Variants in IPO8 observed in about 807,000 individuals in gnomAD.
The protein encoded by IPO8 is importin-8.
In IPO8, 65 loss-of-function variants were observed where a neutral mutation model predicts 141.2. That is an observed-to-expected ratio of 0.46 (90% CI 0.38 to 0.57). The LOEUF (loss-of-function observed/expected upper bound fraction) is 0.57. IPO8 is among the 20% of genes least tolerant of loss of function. The pLI, the probability that IPO8 is intolerant of heterozygous loss-of-function variation, is 0.00. For missense variants in IPO8, 980 were observed against 1,246.8 expected (o/e 0.79, Z 3.22); for synonymous variants, 411 against 420.3 (o/e 0.98, Z 0.27).
At chr12:30,686,085 A>T (rs2053239684) in intron 2 of IPO8, among the ~76,000 whole-genome samples, 1 of 152,074 alleles carries the variant, frequency 6.6e-6, no homozygotes, top group Admixed American at 6.5e-5. Flanking sequence ...TCCATCTATG[A>T]TTTCAATTCA....
intron 1 of IPO8, among the ~76,000 whole-genome samples, chr12:30,692,952 C>T (rs898847081): frequency 2.6e-5 from 4 of 152,196 alleles, no homozygotes; most frequent in African/African-American, 7.2e-5. Context: ...TCCATGGAAA[C>T]AAACTCTTAT....
intron 14 of IPO8, among the ~76,000 whole-genome samples, chr12:30,662,879 C>A (rs536806242): frequency 6.6e-6 from 1 of 152,138 alleles, no homozygotes; most frequent in Admixed American, 6.5e-5. Flanking sequence ...GGGCCCCTTC[C>A]CTGCCCCAGG....
chr12:30,670,850 G>T, intron 9 of IPO8, 112 bp downstream of exon 9: 1 of 784,362 alleles, frequency 1.3e-6, no homozygotes, highest in South Asian at 3.0e-5. Flanking sequence ...AATTATTAAT[G>T]GTAAAATGTA....
intron 2 of IPO8, among the ~76,000 whole-genome samples, chr12:30,688,980 C>T (rs1454659381): frequency 6.6e-6 from 1 of 151,902 alleles, no homozygotes; most frequent in East Asian, 1.9e-4. Flanking sequence ...AATATCAAAT[C>T]GTTTAAGTAA....
At chr12:30,675,989 T>C (rs1228248728) in intron 6 of IPO8, among the ~76,000 whole-genome samples, 43 of 152,190 alleles carry the variant, frequency 2.8e-4, no homozygotes, top group Admixed American at 2.8e-3. Context: ...GGTCTTGCTC[T>C]GTCCCCCAAG....
chr12:30,645,932 A>G (rs1405223308), intron 20 of IPO8, among the ~76,000 whole-genome samples: 1 of 152,164 alleles, frequency 6.6e-6, no homozygotes, highest in African/African-American at 2.4e-5. Flanking sequence ...AAATTCTACC[A>G]AACATTTAAA....
intron 20 of IPO8, among the ~76,000 whole-genome samples, chr12:30,648,723 A>C (rs1224376187): frequency 6.6e-6 from 1 of 152,160 alleles, no homozygotes; most frequent in Non-Finnish European, 1.5e-5. Context: ...AACATGAAAA[A>C]TATAAAGTAT....
intron 17 of IPO8, among the ~76,000 whole-genome samples, chr12:30,656,270 T>G (rs2136143738): frequency 6.6e-6 from 1 of 152,274 alleles, no homozygotes; most frequent in South Asian, 2.1e-4. Flanking sequence ...ACTTCTGGAC[T>G]CAAGCAATTC....
chr12:30,647,604 A>C (rs1302568440), intron 20 of IPO8, among the ~76,000 whole-genome samples: 3 of 31,356 alleles, frequency 9.6e-5, no homozygotes, highest in African/African-American at 2.9e-4. Context: ...GACCGTCTCC[A>C]AAAAAAAAAA....
At chr12:30,642,577 A>G (rs1226759341) in intron 20 of IPO8, among the ~76,000 whole-genome samples, 2 of 151,832 alleles carry the variant, frequency 1.3e-5, no homozygotes, top group African/African-American at 2.4e-5. Context: ...TTAGTTATAT[A>G]CATTAATATG....
At chr12:30,651,748 G>T (rs2052729683) in intron 19 of IPO8, among the ~76,000 whole-genome samples, 2 of 152,018 alleles carry the variant, frequency 1.3e-5, no homozygotes, top group Non-Finnish European at 2.9e-5. Context: ...GTAGATTGTA[G>T]ATTATAGATT....
chr12:30,661,651 G>GT (rs2052889849), intron 15 of IPO8, among the ~76,000 whole-genome samples: 1 of 146,460 alleles, frequency 6.8e-6, no homozygotes, highest in Non-Finnish European at 1.5e-5. Context: ...AGGAGGAAAA[G>GT]TTTTTAAAAA....
intron 15 of IPO8, 102 bp downstream of exon 15, chr12:30,662,225 C>T: frequency 1.2e-6 from 1 of 857,890 alleles, no homozygotes; most frequent in South Asian, 1.7e-5. Flanking sequence ...TGTTGTTAAG[C>T]AGCACATGAC....
At chr12:30,686,115 T>G (rs2053239906) in intron 2 of IPO8, among the ~76,000 whole-genome samples, 1 of 152,044 alleles carries the variant, frequency 6.6e-6, no homozygotes, top group Admixed American at 6.5e-5. Context: ...AAACAAAAAT[T>G]ATATAAAGGG....
intron 20 of IPO8, among the ~76,000 whole-genome samples, chr12:30,644,656 T>C (rs1206826772): frequency 7.1e-6 from 1 of 140,058 alleles, no homozygotes; most frequent in African/African-American, 2.5e-5. Flanking sequence ...TTTTTTTGTT[T>C]TTTTTTTTTT....
At chr12:30,642,703 G>A (rs1391644933) in intron 20 of IPO8, among the ~76,000 whole-genome samples, 1 of 151,480 alleles carries the variant, frequency 6.6e-6, no homozygotes, top group Non-Finnish European at 1.5e-5. Context: ...TATATGTATA[G>A]CAATGAATAT....
At chr12:30,642,774 A>C (rs1209056980) in intron 20 of IPO8, among the ~76,000 whole-genome samples, 2 of 152,080 alleles carry the variant, frequency 1.3e-5, no homozygotes, top group Non-Finnish European at 2.9e-5. Flanking sequence ...GACATCTATA[A>C]GATAAGCCTG....
Position 30,695,756 on chromosome 12 carries a change from ACCCCACC to A in IPO8, c.-116_-110del. On this transcript the variant is annotated 5_prime_UTR_variant, in exon 1 of 25. It introduces an in-frame stop codon into an upstream open reading frame of the 5' UTR. Transcript: ENST00000256079. The surrounding 1 kb of genome is among the most constrained non-coding windows in gnomAD (Gnocchi z 4.2). ...TTCCGCGACCCCTGGATTACCTCACACCCCACCCCCCGCCACCGTCGCCACCTGCGGC... is the reference window on the plus strand; with the variant it reads ...TTCCGCGACCCCTGGATTACCTCACACCCCGCCACCGTCGCCACCTGCGGC... 1 of 968,564 alleles carries A rather than the reference ACCCCACC, an allele frequency of 1.0e-6. No individual in the cohort carries two copies. Among genetic ancestry groups the A allele is most frequent in the Non-Finnish European group, 1.5e-6 (1 of 660,756 alleles). The allele number at this position is 968,564 out of a possible 1,614,324, so 60.0% of individuals were successfully genotyped here.
chr12:30,664,283 TC>T (rs994975834), intron 13 of IPO8, among the ~76,000 whole-genome samples: 2 of 152,200 alleles, frequency 1.3e-5, no homozygotes, highest in African/African-American at 4.8e-5. Flanking sequence ...GCCCTCAGCG[TC>T]CCTAGTCCAC....
Sources: gnomAD v4.1 joint callset for allele counts (sites outside exome capture counted in the v4.1 genomes callset) on GRCh38, gnomAD v4.1.1 for gene constraint, Gnocchi (gnomAD v3.1) non-coding constraint, MANE v1.5 for transcripts, NCBI Gene and HGNC (gene_info 2026-07-23, HGNC 2026-07-21) for gene names.